TRIQK: variants seen among roughly 807,000 people sequenced by gnomAD.
TRIQK encodes triple QxxK/R motif-containing protein.
In TRIQK, 10 loss-of-function variants were observed where a neutral mutation model predicts 10.8. That is an observed-to-expected ratio of 0.92 (90% CI 0.57 to 1.57). The LOEUF (loss-of-function observed/expected upper bound fraction) is 1.57. TRIQK is among the 40% of genes most tolerant of loss of function. The pLI is 0.00. For missense variants in TRIQK, 107 were observed against 97.7 expected, an observed-to-expected ratio of 1.09 and a Z score of -0.40; for synonymous variants, 33 against 33.7, an observed-to-expected ratio of 0.98 and a Z score of 0.07.
intron 3 of TRIQK, among the ~76,000 whole-genome samples, chr8:92,903,564 A>G (rs1809072279): frequency 6.6e-6 from 1 of 152,130 alleles, no homozygotes; most frequent in African/African-American, 2.4e-5. Context: ...TTTTATATTA[A>G]TAATAAAAAC....
At chr8:92,949,770 AG>A (rs1811760080) in intron 2 of TRIQK, among the ~76,000 whole-genome samples, 2 of 106,756 alleles carry the variant, frequency 1.9e-5, no homozygotes, top group African/African-American at 8.5e-5. Context: ...AAGAAAGAGA[AG>A]GAAAGAAAGA....
chr8:92,917,769 A>G lies in TRIQK; in HGVS notation c.-21-759T>C, dbSNP rs371252494. Reference sequence around the variant, plus strand: ...TTCTCTTCTAAGTATTTAGAAATACATAATAAATTATTGTTAATCATAATT... The same window carrying G: ...TTCTCTTCTAAGTATTTAGAAATACGTAATAAATTATTGTTAATCATAATT... On this transcript the variant is annotated intron_variant, in intron 2 of 4. Coordinates refer to ENST00000521988, the MANE Select transcript of TRIQK (RefSeq NM_001171797.2). Among the ~76,000 whole-genome samples, 10 of 152,164 alleles carry G rather than the reference A, an allele frequency of 6.6e-5. 1 individual carries two copies. The highest frequency in any genetic ancestry group is 2.6e-4 in the Admixed American group (4 of 15,270).
chr8:93,008,112 A>G (rs1813292601), intron 1 of TRIQK, among the ~76,000 whole-genome samples: 1 of 152,100 alleles, frequency 6.6e-6, no homozygotes, highest in African/African-American at 2.4e-5. Context: ...CATAGGAAAG[A>G]GAAGAACAGG....
In TRIQK at chr8:92,989,331, G is replaced by A. The variant is rs1261736960; in HGVS notation, c.-181+28278C>T. 5.3e-5 allele frequency among the ~76,000 whole-genome samples: 8 copies of A among 152,142 alleles called. No homozygotes were observed. In the East Asian group the frequency reaches 1.4e-3, roughly 26 times the overall value. ...TCCCTCAGGCCATGGACTAGTACCA[G>A]TCCGTGATCTTTTAGGAACCAGGCT... On this transcript the variant is annotated intron_variant, in intron 1 of 4. Transcript: ENST00000520686.
chr8:93,011,102 C>T (rs10102294), intron 1 of TRIQK, among the ~76,000 whole-genome samples: 21,419 of 151,012 alleles, frequency 0.14, 1,530 homozygotes, highest in East Asian at 0.19. Context: ...GCTAATGGAC[C>T]GTATAGGATT....
intron 2 of TRIQK, among the ~76,000 whole-genome samples, chr8:92,932,920 T>C (rs1810807791): frequency 6.6e-6 from 1 of 152,142 alleles, no homozygotes; most frequent in South Asian, 2.1e-4. Flanking sequence ...AGAACCTCTT[T>C]ATTTTCTGAC....
At chr8:92,917,082 C>T in intron 2 of TRIQK, 72 bp from the exon 3 acceptor site, 1 of 878,946 alleles carries the variant, frequency 1.1e-6, no homozygotes, top group South Asian at 2.9e-5. Context: ...ATAGTTTATT[C>T]TATAAAATTC....
intron 1 of TRIQK, among the ~76,000 whole-genome samples, chr8:92,988,567 T>C (rs2130748379): frequency 6.6e-6 from 1 of 152,306 alleles, no homozygotes; most frequent in East Asian, 1.9e-4. Flanking sequence ...GATCAGTGAT[T>C]CCACTCATCT....
rs923289105 is a variant in TRIQK at position 93,015,800 on chromosome 8, G to A, written c.-181+1809C>T. Among the ~76,000 whole-genome samples, 16 of 151,596 alleles carry A rather than the reference G, an allele frequency of 1.1e-4. 1 individual carries two copies. The highest frequency in any genetic ancestry group is 1.5e-4 in the Non-Finnish European group (10 of 67,892). ...CAACTGATATAAATGTTTTATGAAGGTTTCAGAGTATTCCTCCTGGAAGCA... is the reference window on the plus strand; with the variant it reads ...CAACTGATATAAATGTTTTATGAAGATTTCAGAGTATTCCTCCTGGAAGCA... On this transcript the variant is annotated intron_variant, in intron 1 of 4. Transcript: ENST00000520686.
chr8:92,938,399 C>T (rs1439116985), intron 2 of TRIQK, among the ~76,000 whole-genome samples: 1 of 151,880 alleles, frequency 6.6e-6, no homozygotes, highest in Non-Finnish European at 1.5e-5. Context: ...GTTTATATTC[C>T]TCACCCATAC....
chr8:92,904,218 A>C (rs1282841657), intron 3 of TRIQK, among the ~76,000 whole-genome samples: 1 of 152,146 alleles, frequency 6.6e-6, no homozygotes, highest in Non-Finnish European at 1.5e-5. Context: ...TTTTGAATAC[A>C]TGGGCTCAAA....
At chr8:92,963,572 A>T (rs920707310) in intron 1 of TRIQK, 1 of 152,148 alleles carries the variant, frequency 6.6e-6, no homozygotes, top group African/African-American at 2.4e-5. Context: ...ATAGATGAGA[A>T]AGTTTATGGA....
intron 2 of TRIQK, among the ~76,000 whole-genome samples, chr8:92,934,088 T>G (rs765238098): frequency 2.6e-5 from 4 of 152,030 alleles, no homozygotes; most frequent in Non-Finnish European, 4.4e-5. Context: ...GCTATTTCAA[T>G]GGTGAACTGA....
chr8:93,016,180 A>G (rs965623629), intron 1 of TRIQK, among the ~76,000 whole-genome samples: 28 of 152,370 alleles, frequency 1.8e-4, no homozygotes, highest in African/African-American at 6.5e-4. Context: ...AAGTCTGATC[A>G]TAAATAATTT....
At chr8:92,925,949 G>A (rs536531816) in intron 2 of TRIQK, among the ~76,000 whole-genome samples, 5 of 152,170 alleles carry the variant, frequency 3.3e-5, no homozygotes, top group South Asian at 4.1e-4. Flanking sequence ...GCATGGTGGC[G>A]GGTGCCTGTG....
chr8:92,916,301 G>A (rs1809838956), intron 3 of TRIQK, among the ~76,000 whole-genome samples: 1 of 152,080 alleles, frequency 6.6e-6, no homozygotes, highest in Non-Finnish European at 1.5e-5. Context: ...AAATAGATAA[G>A]CTTCCTGTTA....
intron 2 of TRIQK, among the ~76,000 whole-genome samples, chr8:92,919,346 T>A (rs1423183900): frequency 6.6e-6 from 1 of 151,776 alleles, no homozygotes; most frequent in African/African-American, 2.4e-5. Flanking sequence ...AATTTTATCA[T>A]GAAGGAATGT....
chr8:92,940,997 T>G (rs1424032212), intron 2 of TRIQK: 3 of 152,114 alleles, frequency 2.0e-5, no homozygotes, highest in Non-Finnish European at 4.4e-5. Context: ...TACAAATACA[T>G]AGAAATTGAA....
At chr8:92,939,976 T>C (rs1280615154) in intron 2 of TRIQK, among the ~76,000 whole-genome samples, 1 of 152,126 alleles carries the variant, frequency 6.6e-6, no homozygotes, top group Admixed American at 6.5e-5. Flanking sequence ...ATGTCTTATA[T>C]CTGGGCTGAC....
Sources: allele counts gnomAD v4.1 joint callset (sites outside exome capture counted in the v4.1 genomes callset), GRCh38; gene constraint gnomAD v4.1.1; transcripts MANE v1.5; gene names NCBI Gene and HGNC (gene_info 2026-07-23, HGNC 2026-07-21).